The following PARVB variants were observed in gnomAD, a reference collection of about 807,000 sequenced individuals.
PARVB encodes the protein beta-parvin.
PARVB carries 46 observed loss-of-function variants against 47.0 expected under a neutral mutation model. The observed-to-expected ratio is 0.98, with a 90% CI of 0.77 to 1.25. PARVB has a LOEUF of 1.25. PARVB is among the 50% of genes most tolerant of loss of function. PARVB has a pLI of 0.00. For missense variants in PARVB, 473 were observed against 471.6 expected (o/e 1.00, Z -0.03); for synonymous variants, 196 against 196.3 (o/e 1.00, Z 0.01).
Position 44,155,919 on chromosome 22 carries a change from G to A in PARVB, c.844-2063G>A, listed in dbSNP as rs1349038967. Among the ~76,000 whole-genome samples the A allele has an allele frequency of 4.6e-5, 7 of 152,072 alleles. No individual in the cohort carries two copies. Among genetic ancestry groups the A allele is most frequent in the Admixed American group, 4.6e-4 (7 of 15,274 alleles). Reference sequence around the variant, plus strand: ...TGCAATCCTAGCACTTTGGGTGGCCGAGGTGGGTGGATCATGAGGTCAGGA... The same window carrying A: ...TGCAATCCTAGCACTTTGGGTGGCCAAGGTGGGTGGATCATGAGGTCAGGA... On this transcript the variant is annotated intron_variant, in intron 10 of 12. Coordinates refer to ENST00000338758, the MANE Select transcript of PARVB (RefSeq NM_013327.5). The surrounding 1 kb of genome is among the most constrained non-coding windows in gnomAD (Gnocchi z 4.8).
At chr22:44,003,122 A>G (rs965871942) in intron 2 of PARVB, among the ~76,000 whole-genome samples, 1 of 152,116 alleles carries the variant, frequency 6.6e-6, no homozygotes, top group Non-Finnish European at 1.5e-5. Context: ...CATTCCCTAC[A>G]TTTGTCACTA....
Position 44,171,815 on chromosome 22 carries a change from A to ATTTTTTT in PARVB, c.*3151_*3157dup, listed in dbSNP as rs766430471. ...GGCGATGTTTCCAGCAAAGGATGTG[A>ATTTTTTT]TTTTTTTTTTTTTTTTTTTTGAGAT... On this transcript the variant is annotated 3_prime_UTR_variant, in exon 13 of 13. Coordinates refer to ENST00000338758, the MANE Select transcript of PARVB (RefSeq NM_013327.5). The ATTTTTTT allele has an allele frequency of 7.1e-5, 9 of 126,802 alleles. No individual in the cohort carries two copies. Among genetic ancestry groups the ATTTTTTT allele is most frequent in the African/African-American group, 2.8e-4 (9 of 32,260 alleles). The allele number at this position is 126,802 out of a possible 1,614,324, so 7.9% of individuals were successfully genotyped here.
At chr22:44,082,144 T>A (rs1312041677) in intron 1 of PARVB, among the ~76,000 whole-genome samples, 1 of 152,110 alleles carries the variant, frequency 6.6e-6, no homozygotes, top group African/African-American at 2.4e-5. Context: ...TTTGGGGATG[T>A]GTATCCCACT....
At chr22:44,149,351 C>G (rs542110351) in intron 9 of PARVB, 2 of 152,328 alleles carry the variant, frequency 1.3e-5, no homozygotes, top group South Asian at 4.1e-4. Flanking sequence ...CTGGTAGCTT[C>G]CCACTCCAGC....
At chr22:44,051,740 C>T (rs1441790930) in intron 1 of PARVB, among the ~76,000 whole-genome samples, 1 of 152,158 alleles carries the variant, frequency 6.6e-6, no homozygotes, top group Non-Finnish European at 1.5e-5. Flanking sequence ...TGTCCAGGTC[C>T]TAGTCTCCAG....
chr22:44,080,937 C>T (rs1394189632), intron 1 of PARVB, among the ~76,000 whole-genome samples: 1 of 152,104 alleles, frequency 6.6e-6, no homozygotes. Context: ...AATAGTGCCT[C>T]GAAAGGAGAG....
At chr22:44,096,094 A>T (rs192769094) in intron 2 of PARVB, among the ~76,000 whole-genome samples, 87 of 152,324 alleles carry the variant, frequency 5.7e-4, no homozygotes, top group African/African-American at 2.0e-3. Flanking sequence ...GTGTGGTGGC[A>T]AACACCTGAA....
intron 9 of PARVB, chr22:44,148,577 C>T (rs185709301): frequency 1.1e-3 from 169 of 158,486 alleles, no homozygotes; most frequent in Non-Finnish European, 1.4e-3. Flanking sequence ...ATCGGAGGAG[C>T]GCTCATTTCA....
intron 8 of PARVB, chr22:44,145,569 AG>A (rs1343318038): frequency 1.3e-5 from 2 of 152,288 alleles, no homozygotes; most frequent in Non-Finnish European, 2.9e-5. Flanking sequence ...CTCTGCCCCC[AG>A]GAACCTGGAG....
At chr22:44,034,412 T>G (rs2050883125) in intron 1 of PARVB, among the ~76,000 whole-genome samples, 1 of 151,944 alleles carries the variant, frequency 6.6e-6, no homozygotes, top group Non-Finnish European at 1.5e-5. Flanking sequence ...GATGGGGGTC[T>G]TGCTGTGTTG....
upstream of PARVB, among the ~76,000 whole-genome samples, chr22:44,023,126 G>A (rs1225088048): frequency 6.6e-6 from 1 of 152,104 alleles, no homozygotes; most frequent in African/African-American, 2.4e-5. Context: ...CTAAGTCACC[G>A]TCCGCCTGCC....
chr22:44,100,559 G>A (rs1417569789), intron 3 of PARVB, among the ~76,000 whole-genome samples: 1 of 152,144 alleles, frequency 6.6e-6, no homozygotes, highest in Non-Finnish European at 1.5e-5. Context: ...GCCGATGCCT[G>A]CGCTGAGTGG....
At chr22:44,043,448 A>G (rs751383797) in intron 1 of PARVB, among the ~76,000 whole-genome samples, 4 of 152,014 alleles carry the variant, frequency 2.6e-5, no homozygotes, top group Admixed American at 6.6e-5. Context: ...GTGCGATCTC[A>G]GCTCACTGCA....
At chr22:44,009,966 C>A (rs1281556420) in intron 2 of PARVB, among the ~76,000 whole-genome samples, 1 of 151,920 alleles carries the variant, frequency 6.6e-6, no homozygotes, top group Non-Finnish European at 1.5e-5. Flanking sequence ...ACCTCCACGC[C>A]CAGCTAATTT....
At position 44,089,181 on chromosome 22, in the gene PARVB, C is replaced by T. The variant is rs1297828029; in HGVS notation, c.113-4747C>T. Among the ~76,000 whole-genome samples, 1 of 152,176 alleles carries T rather than the reference C, an allele frequency of 6.6e-6. No homozygotes were observed. The highest frequency in any genetic ancestry group is 1.5e-5 in the Non-Finnish European group (1 of 68,038). On this transcript the variant is annotated intron_variant, in intron 1 of 12. Coordinates refer to ENST00000338758, the MANE Select transcript of PARVB (RefSeq NM_013327.5). This position sits in a 1 kb window ranked among gnomAD's most constrained non-coding sequence, Gnocchi z 4.0. ...CTGGCCCCCCGTGCAGGCCACAGAG[C>T]GTGGTGCTGCAGGTGAACTCTGCTG... is the stretch of plus-strand genomic sequence containing the variant.
intron 2 of PARVB, among the ~76,000 whole-genome samples, chr22:44,014,088 A>G (rs1277476077): frequency 6.6e-6 from 1 of 152,234 alleles, no homozygotes; most frequent in African/African-American, 2.4e-5. Context: ...ATCCACATGT[A>G]AGTGGACCTG....
intron 2 of PARVB, among the ~76,000 whole-genome samples, chr22:44,016,965 T>A (rs2146861785): frequency 6.6e-6 from 1 of 152,310 alleles, no homozygotes; most frequent in African/African-American, 2.4e-5. Context: ...AACCTCTGCC[T>A]CCTGGGTTCA....
chr22:44,042,805 C>A (rs1391967625), intron 1 of PARVB, among the ~76,000 whole-genome samples: 2 of 152,120 alleles, frequency 1.3e-5, no homozygotes, highest in Non-Finnish European at 2.9e-5. Flanking sequence ...TTTAGTTTTT[C>A]TTTCCTAGAG....
chr22:44,004,729 C>T (rs895685371), intron 2 of PARVB, among the ~76,000 whole-genome samples: 3 of 152,290 alleles, frequency 2.0e-5, no homozygotes, highest in South Asian at 2.1e-4. Flanking sequence ...GACCTATGTC[C>T]GGCTGAGCTG....
Sources: gnomAD v4.1 joint callset for allele counts (sites outside exome capture counted in the v4.1 genomes callset) on GRCh38, gnomAD v4.1.1 for gene constraint, Gnocchi (gnomAD v3.1) non-coding constraint, MANE v1.5 for transcripts, NCBI Gene and HGNC (gene_info 2026-07-23, HGNC 2026-07-21) for gene names.